FRMD3: variants seen among roughly 807,000 people sequenced by gnomAD.
FRMD3 encodes the protein FERM domain containing 3.
Under a neutral mutation model 70.2 loss-of-function variants are expected in FRMD3, and 33 were observed. The observed-to-expected ratio is 0.47, with a 90% CI of 0.36 to 0.63. The LOEUF is 0.63. Among genes scored for constraint, FRMD3 ranks in the 20% least tolerant of loss-of-function variants. The pLI, the probability that FRMD3 is intolerant of heterozygous loss-of-function variation, is 0.00. For missense variants in FRMD3, 632 were observed against 711.4 expected, an observed-to-expected ratio of 0.89 and a Z score of 1.27; for synonymous variants, 279 against 255.9, an observed-to-expected ratio of 1.09 and a Z score of -0.86.
chr9:83,307,693 T>C (rs962855276), intron 10 of FRMD3, among the ~76,000 whole-genome samples: 5 of 152,132 alleles, frequency 3.3e-5, no homozygotes, highest in Non-Finnish European at 5.9e-5. Context: ...AAGGTTTATT[T>C]TGGGAAGGAT....
chr9:83,356,271 A>ATTTTTTTTTTTTTTTTTTTTTTTTTTTTT (rs869149609), intron 3 of FRMD3, among the ~76,000 whole-genome samples: 2 of 94,462 alleles, frequency 2.1e-5, no homozygotes, highest in African/African-American at 4.6e-5. Flanking sequence ...ACTCAGCAGC[A>ATTTTTTTTTTTTTTTTTTTTTTTTTTTTT]TTTTTTTTTT....
intron 1 of FRMD3, among the ~76,000 whole-genome samples, chr9:83,419,861 T>C (rs1826581082): frequency 6.6e-6 from 1 of 152,242 alleles, no homozygotes; most frequent in Non-Finnish European, 1.5e-5. Flanking sequence ...ATTATTATTC[T>C]TTTAAAGCAA....
chr9:83,555,363 G>C, the FRMD3 span, among the ~76,000 whole-genome samples: 1 of 151,726 alleles, frequency 6.6e-6, no homozygotes, highest in Non-Finnish European at 1.5e-5. Flanking sequence ...CAGTGAGGGG[G>C]AATGGGATCA....
intron 13 of FRMD3, among the ~76,000 whole-genome samples, chr9:83,262,016 G>T (rs1273839861): frequency 6.6e-6 from 1 of 152,192 alleles, no homozygotes; most frequent in Admixed American, 6.5e-5. Flanking sequence ...ATTACTACTA[G>T]TATATAAAAA....
chr9:83,266,981 A>T, intron 13 of FRMD3: 1 of 1,547,150 alleles, frequency 6.5e-7, no homozygotes, highest in Non-Finnish European at 8.7e-7. Context: ...CACTTCAGGA[A>T]CAGGATGACA....
At chr9:83,409,832 C>T (rs1826229128) in intron 1 of FRMD3, among the ~76,000 whole-genome samples, 1 of 152,204 alleles carries the variant, frequency 6.6e-6, no homozygotes, top group Non-Finnish European at 1.5e-5. Flanking sequence ...GTCACTGGTC[C>T]TCAAACATTG....
intron 3 of FRMD3, among the ~76,000 whole-genome samples, chr9:83,354,851 A>C (rs2131200269): frequency 6.6e-6 from 1 of 152,206 alleles, no homozygotes. Context: ...CTCCAATCAA[A>C]CCCATGAAGT....
Position 83,537,757 on chromosome 9 carries a change from G to A in FRMD3, c.147+328C>T, listed in dbSNP as rs897983725. On this transcript the variant is annotated intron_variant, in intron 1 of 13. Transcript: ENST00000304195. The surrounding 1 kb of genome is among the most constrained non-coding windows in gnomAD (Gnocchi z 4.1). ...GCCCTCGGAGCTCCCATCTCCTGGC[G>A]GAGTAGGGCCCAGAGGGGCCAGAGT... is the stretch of plus-strand genomic sequence containing the variant. 6.6e-6 allele frequency among the ~76,000 whole-genome samples: 1 copy of A among 152,192 alleles called. No individual in the cohort carries two copies. Among genetic ancestry groups the A allele is most frequent in the Admixed American group, 6.5e-5 (1 of 15,288 alleles).
chr9:83,342,959 C>T (rs1233306271), intron 5 of FRMD3, among the ~76,000 whole-genome samples: 1 of 152,160 alleles, frequency 6.6e-6, no homozygotes, highest in Non-Finnish European at 1.5e-5. Flanking sequence ...GGATCTTGAG[C>T]AACTCTGTTT....
chr9:83,347,637 T>C (rs960983754), intron 4 of FRMD3, among the ~76,000 whole-genome samples: 1 of 152,256 alleles, frequency 6.6e-6, no homozygotes, highest in African/African-American at 2.4e-5. Flanking sequence ...TAAATTTGCC[T>C]TTTTCTTAAC....
In FRMD3 at chr9:83,247,083, A is replaced by G; in HGVS notation, c.*835T>C. 1 of 985,466 alleles carries G rather than the reference A, an allele frequency of 1.0e-6. No homozygotes were observed. Among genetic ancestry groups the G allele is most frequent in the Non-Finnish European group, 1.2e-6 (1 of 829,942 alleles). The allele number at this position is 985,466 out of a possible 1,614,324, so 61.0% of individuals were successfully genotyped here. The stretch of plus-strand genomic sequence containing the variant: ...GCTTCTCCAGCCAAAATATACGGAC[A>G]GAATACAAATGAAAATAACAAGTCC... On this transcript the variant is annotated 3_prime_UTR_variant, in exon 14 of 14. Coordinates refer to ENST00000304195, the MANE Select transcript of FRMD3 (RefSeq NM_174938.6).
intron 5 of FRMD3, among the ~76,000 whole-genome samples, chr9:83,338,724 A>T (rs1823659558): frequency 6.6e-6 from 1 of 152,204 alleles, no homozygotes; most frequent in African/African-American, 2.4e-5. Flanking sequence ...AAAGACAAAG[A>T]TATGTATATG....
At chr9:83,416,786 T>TCTCTCTCTCTCTCTCC (rs1220396275) in intron 1 of FRMD3, among the ~76,000 whole-genome samples, 2 of 58,286 alleles carry the variant, frequency 3.4e-5, no homozygotes, top group Non-Finnish European at 6.8e-5. Context: ...TCTCTCTCTC[T>TCTCTCTCTCTCTCTCC]CACTCTCTCT....
intron 1 of FRMD3, among the ~76,000 whole-genome samples, chr9:83,519,849 T>C (rs1829532791): frequency 6.6e-6 from 1 of 152,196 alleles, no homozygotes; most frequent in Non-Finnish European, 1.5e-5. Context: ...TTCAGGGACA[T>C]GGATGAAGCT....
intron 4 of FRMD3, among the ~76,000 whole-genome samples, chr9:83,346,157 G>T (rs1261788373): frequency 6.7e-6 from 1 of 149,960 alleles, no homozygotes; most frequent in Non-Finnish European, 1.5e-5. Flanking sequence ...TTGGGAGGTT[G>T]AGGCAGGAAA....
chr9:83,356,518 C>T (rs1483210642), intron 3 of FRMD3, among the ~76,000 whole-genome samples: 6 of 151,656 alleles, frequency 4.0e-5, no homozygotes, highest in African/African-American at 7.3e-5. Context: ...CTTCGTGATC[C>T]GCCCACCTCG....
intron 1 of FRMD3, among the ~76,000 whole-genome samples, chr9:83,464,968 C>T (rs1163105897): frequency 6.9e-6 from 1 of 145,504 alleles, no homozygotes; most frequent in African/African-American, 2.5e-5. Flanking sequence ...TGCAGTGAGC[C>T]AATATTGCAC....
At chr9:83,482,600 G>A (rs1386363040) in intron 1 of FRMD3, among the ~76,000 whole-genome samples, 1 of 152,164 alleles carries the variant, frequency 6.6e-6, no homozygotes, top group Admixed American at 6.5e-5. Context: ...ATTATTACAA[G>A]ACGATGATTG....
intron 1 of FRMD3, among the ~76,000 whole-genome samples, chr9:83,434,819 C>CTT (rs757810185): frequency 0.032 from 2,371 of 74,938 alleles, 30 homozygotes; most frequent in African/African-American, 0.05. Context: ...CACCCCTCTG[C>CTT]TTTTTTTTTT....
Sources: gnomAD v4.1 joint callset for allele counts (sites outside exome capture counted in the v4.1 genomes callset) on GRCh38, gnomAD v4.1.1 for gene constraint, Gnocchi (gnomAD v3.1) non-coding constraint, MANE v1.5 for transcripts, NCBI Gene and HGNC (gene_info 2026-07-23, HGNC 2026-07-21) for gene names.